The following TXNRD2 variants were observed in gnomAD, a reference collection of about 807,000 sequenced individuals.
TXNRD2 encodes thioredoxin reductase 2.
A neutral mutation model predicts 70.8 loss-of-function variants in TXNRD2; 67 were observed. That is an observed-to-expected ratio of 0.95 (90% CI 0.78 to 1.16). The LOEUF (loss-of-function observed/expected upper bound fraction) is 1.16. Ranked by LOEUF, TXNRD2 falls within the 50% of genes most tolerant of loss-of-function variation. The pLI is 0.00. For synonymous variants in TXNRD2, 301 were observed against 295.8 expected, an observed-to-expected ratio of 1.02 and a Z score of -0.18; for missense variants, 644 against 719.9, an observed-to-expected ratio of 0.89 and a Z score of 1.21.
chr22:19,918,121 T>G, intron 5 of TXNRD2, 22 bp downstream of exon 5: 1 of 1,611,580 alleles, frequency 6.2e-7, no homozygotes, highest in Non-Finnish European at 8.5e-7. Flanking sequence ...GGGCGGCCCA[T>G]TCCCGGAGAG....
At chr22:19,937,519 G>A (rs1421115192) in intron 1 of TXNRD2, among the ~76,000 whole-genome samples, 8 of 152,196 alleles carry the variant, frequency 5.3e-5, no homozygotes, top group South Asian at 4.2e-4. Flanking sequence ...TCCATCCTAC[G>A]TCAAAATTTA....
Position 19,911,464 on chromosome 22 carries a change from G to A in TXNRD2, c.592-17C>T. The A allele has an allele frequency of 6.2e-7, 1 of 1,606,110 alleles. No homozygotes were observed. Among genetic ancestry groups the A allele is most frequent in the Non-Finnish European group, 8.5e-7 (1 of 1,173,016 alleles). ...ACCTTCGATCTGTCAAGACAGAAAT[G>A]ACCCCTTGGACAAGAGCTCCATTTG... On this transcript the variant is annotated splice_polypyrimidine_tract_variant and intron_variant, in intron 7 of 17. Transcript: ENST00000400521.
intron 12 of TXNRD2, among the ~76,000 whole-genome samples, chr22:19,882,181 G>A (rs1035233120): frequency 6.6e-5 from 10 of 152,126 alleles, no homozygotes; most frequent in Admixed American, 3.9e-4. Flanking sequence ...AGAGGCTTCC[G>A]AGGGAGCCTG....
chr22:19,918,399 G>A (rs567631604), intron 4 of TXNRD2, among the ~76,000 whole-genome samples, 182 bp from the exon 5 acceptor site: 99 of 152,378 alleles, frequency 6.5e-4, no homozygotes, highest in African/African-American at 2.2e-3. Flanking sequence ...GCTCAGGGCT[G>A]CAGACCTTTG....
At position 19,877,233 on chromosome 22, in the gene TXNRD2, A is replaced by G; in HGVS notation, c.1447T>C (p.Cys483Arg). The G allele has an allele frequency of 6.2e-7, 1 of 1,608,430 alleles. No homozygotes were observed. The highest frequency in any genetic ancestry group is 8.5e-7 in the Non-Finnish European group (1 of 1,176,534). The part of the protein sequence containing the change: ...VTQGFALGIK[C>R]GASYAQVMRT... ...ATCACCTGCGCATAGGAAGCCCCACACCTGCACATGGGGGATGGGGGAGGC... is the reference window on the plus strand; with the variant it reads ...ATCACCTGCGCATAGGAAGCCCCACGCCTGCACATGGGGGATGGGGGAGGC... The change falls in exon 17 of 18, where the codon TGT (cysteine) becomes CGT (arginine). Residue 483 changes from cysteine (C) to arginine (R), a missense_variant and splice_region_variant. By Grantham distance (180) the Cys-to-Arg change is radical. This residue lies in a region of TXNRD2 where 566 missense variants were observed against 645.0 expected (regional missense o/e 0.88). Transcript: ENST00000400521.
At chr22:19,922,841 C>T (rs1397256788) in intron 2 of TXNRD2, among the ~76,000 whole-genome samples, 3 of 152,146 alleles carry the variant, frequency 2.0e-5, no homozygotes, top group Non-Finnish European at 4.4e-5. Flanking sequence ...TGCGCACCAC[C>T]ATGCCCGGCC....
chr22:19,892,428 C>A (rs1257760247), intron 11 of TXNRD2, among the ~76,000 whole-genome samples: 3 of 152,256 alleles, frequency 2.0e-5, no homozygotes, highest in Non-Finnish European at 4.4e-5. Flanking sequence ...AAAGCTTCCA[C>A]CCCCAGCATC....
At chr22:19,890,991 G>A (rs1015471) in intron 11 of TXNRD2, among the ~76,000 whole-genome samples, 48,032 of 152,004 alleles carry the variant, frequency 0.32, 7,610 homozygotes, top group East Asian at 0.41. Flanking sequence ...CACGTGCCAC[G>A]TGGGGGAGAC....
chr22:19,892,058 G>A (rs1939285978), intron 11 of TXNRD2, among the ~76,000 whole-genome samples: 1 of 152,202 alleles, frequency 6.6e-6, no homozygotes, highest in African/African-American at 2.4e-5. Flanking sequence ...GTGTGCACCG[G>A]GCACGGAGGC....
At chr22:19,923,617 C>T (rs1401963852) in intron 2 of TXNRD2, among the ~76,000 whole-genome samples, 1 of 152,018 alleles carries the variant, frequency 6.6e-6, no homozygotes, top group Non-Finnish European at 1.5e-5. Flanking sequence ...GTTTCACGAC[C>T]AGTAGTGAAA....
intron 6 of TXNRD2, 24 bp downstream of exon 6, chr22:19,915,741 C>T: frequency 5.0e-6 from 8 of 1,612,898 alleles, no homozygotes; most frequent in Non-Finnish European, 6.8e-6. Flanking sequence ...CACAAGGAGC[C>T]ACGCGAGTAA....
intron 1 of TXNRD2, among the ~76,000 whole-genome samples, chr22:19,938,393 G>A (rs1941601018): frequency 6.6e-6 from 1 of 152,192 alleles, no homozygotes; most frequent in South Asian, 2.1e-4. Flanking sequence ...CTCCAGCGGT[G>A]AAAAAGCCGC....
chr22:19,939,173 T>C (rs1941622522), intron 1 of TXNRD2, among the ~76,000 whole-genome samples: 1 of 148,370 alleles, frequency 6.7e-6, no homozygotes, highest in African/African-American at 2.6e-5. Context: ...GGAAGAGACG[T>C]TCGCGTCAGA....
chr22:19,906,650 T>G (rs1354641248), intron 8 of TXNRD2, among the ~76,000 whole-genome samples: 1 of 151,944 alleles, frequency 6.6e-6, no homozygotes, highest in Non-Finnish European at 1.5e-5. Flanking sequence ...AACCCAGAAA[T>G]TATGGCATAA....
At chr22:19,900,471 C>T (rs1268197060) in intron 8 of TXNRD2, among the ~76,000 whole-genome samples, 2 of 152,212 alleles carry the variant, frequency 1.3e-5, no homozygotes, top group African/African-American at 4.8e-5. Context: ...GAAGTTATGG[C>T]CAGGTGCGGT....
At chr22:19,931,961 C>T (rs1024175096) in intron 1 of TXNRD2, among the ~76,000 whole-genome samples, 2 of 151,836 alleles carry the variant, frequency 1.3e-5, no homozygotes, top group Non-Finnish European at 2.9e-5. Flanking sequence ...GAGATCGAGA[C>T]CATCCTGGCT....
At chr22:19,903,027 T>A in intron 8 of TXNRD2, 1 of 518,654 alleles carries the variant, frequency 1.9e-6, no homozygotes. Context: ...ATAAAAACAC[T>A]CTGCCTCTTG....
rs1941725219 is a variant in TXNRD2, at chr22:19,941,715, G to GCCGCGCC, written c.82_88dup (p.Ala30GlyfsTer14). The GCCGCGCC allele has an allele frequency of 7.4e-6, 11 of 1,483,922 alleles. No individual in the cohort carries two copies. Among genetic ancestry groups the GCCGCGCC allele is most frequent in the Non-Finnish European group, 9.8e-6 (11 of 1,124,420 alleles). The allele number at this position is 1,483,922 out of a possible 1,614,324, so 91.9% of individuals were successfully genotyped here. ...CCCCATCCTACCTGCTGCGCCCCGC[G>GCCGCGCC]CCGCGCCCCGCACCCCGCCCGCCAC... is the stretch of plus-strand genomic sequence containing the variant. On this transcript the variant is annotated frameshift_variant, in exon 1 of 18. Transcript: ENST00000400521. LOFTEE classifies it high-confidence loss of function.
In TXNRD2 at chr22:19,895,260, T is replaced by G. The variant is rs537163980; in HGVS notation, c.949+147A>C. On this transcript the variant is annotated intron_variant, in intron 11 of 17. Transcript: ENST00000400521. Reference sequence around the variant, plus strand: ...GTGCCGCCCCACAGGCCTTCACGGTTGCTCTCGAGGTGCACTGGGGAGCGG... The same window carrying G: ...GTGCCGCCCCACAGGCCTTCACGGTGGCTCTCGAGGTGCACTGGGGAGCGG... 3.8e-6 allele frequency: 6 copies of G among 1,594,160 alleles called. No homozygotes were observed. The South Asian group carries it at 4.4e-5, about 12-fold the overall frequency.
Sources: gnomAD v4.1 joint callset for allele counts (sites outside exome capture counted in the v4.1 genomes callset) on GRCh38, gnomAD v4.1.1 for gene constraint, gnomAD v4.1.1 regional missense constraint, MANE v1.5 for transcripts, NCBI Gene and HGNC (gene_info 2026-07-23, HGNC 2026-07-21) for gene names.